Variants in SDK1 observed in about 807,000 individuals in gnomAD.
SDK1 encodes protein sidekick-1.
Under a neutral mutation model 245.5 loss-of-function variants are expected in SDK1, and 157 were observed. The ratio of observed to expected loss-of-function variants is 0.64; its 90% CI spans 0.56 to 0.73. The LOEUF (loss-of-function observed/expected upper bound fraction) is 0.73. SDK1 is among the 30% of genes least tolerant of loss of function. The pLI, the probability that SDK1 is intolerant of heterozygous loss-of-function variation, is 0.00. For synonymous variants in SDK1, 1,647 were observed against 1,278.5 expected (o/e 1.29, Z -6.15); for missense variants, 3,583 against 3,002.3 (o/e 1.19, Z -4.52).
intron 1 of SDK1, among the ~76,000 whole-genome samples, chr7:3,541,012 T>C (rs1301426238): frequency 6.6e-6 from 1 of 152,172 alleles, no homozygotes; most frequent in African/African-American, 2.4e-5. Context: ...CAGTGTTAAT[T>C]TCCTGTCATG....
chr7:3,370,453 A>T (rs770043786), intron 1 of SDK1, among the ~76,000 whole-genome samples: 1 of 152,232 alleles, frequency 6.6e-6, no homozygotes, highest in Non-Finnish European at 1.5e-5. Flanking sequence ...CATTAAATGC[A>T]CAGGAGCAGC....
chr7:3,674,816 A>G (rs1445991203), intron 4 of SDK1, among the ~76,000 whole-genome samples: 1 of 152,092 alleles, frequency 6.6e-6, no homozygotes, highest in African/African-American at 2.4e-5. Flanking sequence ...GATCCACAAG[A>G]TTGGCTCTGT....
chr7:3,606,208 G>T (rs1424417973), intron 1 of SDK1, among the ~76,000 whole-genome samples: 2 of 152,050 alleles, frequency 1.3e-5, no homozygotes, highest in Non-Finnish European at 1.5e-5. Flanking sequence ...AGAAATTTTG[G>T]TATCATCATT....
intron 4 of SDK1, among the ~76,000 whole-genome samples, chr7:3,768,129 C>T (rs1400914421): frequency 6.6e-6 from 1 of 152,208 alleles, no homozygotes; most frequent in East Asian, 1.9e-4. Flanking sequence ...ATTAACGTGC[C>T]ATTTATTATT....
At chr7:3,847,287 C>G (rs1780304783) in intron 5 of SDK1, among the ~76,000 whole-genome samples, 1 of 152,220 alleles carries the variant, frequency 6.6e-6, no homozygotes, top group African/African-American at 2.4e-5. Context: ...CAGACCAGTT[C>G]CTCTGTCACT....
At position 4,055,905 on chromosome 7, in the gene SDK1, G is replaced by A. The variant is rs560095226; in HGVS notation, c.2911+4075G>A. Among the ~76,000 whole-genome samples, 10 of 152,152 alleles carry A rather than the reference G, an allele frequency of 6.6e-5. No homozygotes were observed. In the South Asian group the frequency reaches 1.9e-3, roughly 28 times the overall value. On this transcript the variant is annotated intron_variant, in intron 19 of 44. Coordinates refer to ENST00000404826, the MANE Select transcript of SDK1 (RefSeq NM_152744.4). The stretch of plus-strand genomic sequence containing the variant: ...TGTGACCCATGAATTAATTGGAAGT[G>A]TGCTGTTCATTTTCCATGTGTTTGG...
At chr7:3,982,583 G>A (rs1268651132) in intron 13 of SDK1, among the ~76,000 whole-genome samples, 1 of 152,100 alleles carries the variant, frequency 6.6e-6, no homozygotes, top group Non-Finnish European at 1.5e-5. Flanking sequence ...GCTCACGCCT[G>A]TAATCCCAAC....
intron 1 of SDK1, among the ~76,000 whole-genome samples, chr7:3,378,219 G>C (rs1781401053): frequency 6.6e-6 from 1 of 152,120 alleles, no homozygotes; most frequent in Non-Finnish European, 1.5e-5. Context: ...TCTTCCAAGA[G>C]TCCCTCATAG....
chr7:3,570,372 T>A (rs1780070795), intron 1 of SDK1, among the ~76,000 whole-genome samples: 1 of 152,158 alleles, frequency 6.6e-6, no homozygotes, highest in South Asian at 2.1e-4. Flanking sequence ...GCCTCTGACC[T>A]GACGGGAGGA....
intron 1 of SDK1, among the ~76,000 whole-genome samples, chr7:3,582,431 TA>T: frequency 6.9e-6 from 1 of 145,802 alleles, no homozygotes; most frequent in South Asian, 2.1e-4. Flanking sequence ...CTGTCTCAGG[TA>T]GGTCTGTCTC....
intron 38 of SDK1, among the ~76,000 whole-genome samples, chr7:4,210,364 G>A (rs1189035938): frequency 1.3e-5 from 2 of 152,186 alleles, no homozygotes; most frequent in African/African-American, 4.8e-5. Flanking sequence ...GGCCTGTGAG[G>A]AAAAGCTGAG....
intron 44 of SDK1, among the ~76,000 whole-genome samples, chr7:4,255,054 G>T (rs1021821895): frequency 3.9e-5 from 6 of 152,212 alleles, no homozygotes; most frequent in African/African-American, 1.4e-4. Context: ...TTGAAGTCCA[G>T]CCTTTCTGCA....
intron 27 of SDK1, among the ~76,000 whole-genome samples, chr7:4,132,055 T>G (rs1784863846): frequency 6.6e-6 from 1 of 152,104 alleles, no homozygotes. Context: ...CTCACACTAT[T>G]CCTGGCATAG....
chr7:4,160,879 G>A (rs897560873), intron 31 of SDK1, among the ~76,000 whole-genome samples: 1 of 152,184 alleles, frequency 6.6e-6, no homozygotes, highest in Non-Finnish European at 1.5e-5. Flanking sequence ...GTGTCTGGCA[G>A]GTCCAGAGGA....
intron 4 of SDK1, among the ~76,000 whole-genome samples, chr7:3,676,847 G>A (rs544472972): frequency 6.6e-6 from 1 of 152,140 alleles, no homozygotes; most frequent in East Asian, 1.9e-4. Flanking sequence ...TTATTTCTGG[G>A]TTCTGCTCCA....
At chr7:3,504,780 G>A (rs1363944663) in intron 1 of SDK1, among the ~76,000 whole-genome samples, 73 of 144,220 alleles carry the variant, frequency 5.1e-4, no homozygotes, top group African/African-American at 1.4e-3. Context: ...ACAACAGAAG[G>A]AAAAAAAAAA....
chr7:3,835,829 A>G (rs1780018258), intron 5 of SDK1, among the ~76,000 whole-genome samples: 1 of 152,236 alleles, frequency 6.6e-6, no homozygotes, highest in South Asian at 2.1e-4. Flanking sequence ...GGGATGTTCT[A>G]AGTCAGGGAA....
intron 2 of SDK1, among the ~76,000 whole-genome samples, chr7:3,630,413 C>G (rs969948883): frequency 4.6e-5 from 7 of 152,086 alleles, no homozygotes; most frequent in Non-Finnish European, 7.4e-5. Flanking sequence ...GATAGAAGAT[C>G]AACATATAAG....
chr7:3,661,557 A>T (rs1228245026), intron 4 of SDK1, among the ~76,000 whole-genome samples: 2 of 152,190 alleles, frequency 1.3e-5, no homozygotes, highest in Non-Finnish European at 2.9e-5. Flanking sequence ...TGAAATAAGG[A>T]ATTGTGGCTA....
Sources: allele counts gnomAD v4.1 joint callset (sites outside exome capture counted in the v4.1 genomes callset), GRCh38; gene constraint gnomAD v4.1.1; transcripts MANE v1.5; gene names NCBI Gene and HGNC (gene_info 2026-07-23, HGNC 2026-07-21).